Variants in TLK2 observed in about 807,000 individuals in gnomAD.
TLK2 encodes the protein serine/threonine-protein kinase tousled-like 2.
A neutral mutation model predicts 117.3 loss-of-function variants in TLK2; 6 were observed. The ratio of observed to expected loss-of-function variants is 0.05; its 90% CI spans 0.03 to 0.10. TLK2 has a LOEUF of 0.10. Ranked by LOEUF, TLK2 falls within the 10% of genes least tolerant of loss-of-function variation. The probability of loss-of-function intolerance (pLI) is 1.00; values close to 1 mark genes in which losing one functional copy is unlikely to be tolerated. For missense variants in TLK2, 299 were observed against 901.2 expected, an observed-to-expected ratio of 0.33 and a Z score of 8.56; for synonymous variants, 257 against 316.7, an observed-to-expected ratio of 0.81 and a Z score of 2.00.
At chr17:62,502,153 T>C (rs1339448185) in intron 2 of TLK2, among the ~76,000 whole-genome samples, 1 of 150,494 alleles carries the variant, frequency 6.6e-6, no homozygotes, top group Admixed American at 6.7e-5. Flanking sequence ...AACATATATA[T>C]AGAAATAATT....
intron 14 of TLK2, among the ~76,000 whole-genome samples, 165 bp downstream of exon 14, chr17:62,578,739 A>G (rs2080997314): frequency 6.6e-6 from 1 of 152,192 alleles, no homozygotes; most frequent in African/African-American, 2.4e-5. Flanking sequence ...CAAAATTATG[A>G]TTTGCCTTGG....
In TLK2 at chr17:62,505,654, T is replaced by A. The variant is rs180999622; in HGVS notation, c.82-15119T>A. Reference sequence around the variant, plus strand: ...GCTTTTAATACACTGTTTTCAAATTTTTTTGAGACATATTCTTGCTATGTC... The same window carrying A: ...GCTTTTAATACACTGTTTTCAAATTATTTTGAGACATATTCTTGCTATGTC... On this transcript the variant is annotated intron_variant, in intron 2 of 21. Transcript: ENST00000346027. 1.8e-4 allele frequency among the ~76,000 whole-genome samples: 27 copies of A among 152,220 alleles called. 1 individual carries two copies. Among genetic ancestry groups the A allele is most frequent in the Admixed American group, 1.6e-3 (25 of 15,282 alleles).
intron 2 of TLK2, among the ~76,000 whole-genome samples, chr17:62,490,300 T>G (rs1346927925): frequency 1.3e-5 from 2 of 152,258 alleles, no homozygotes; most frequent in Non-Finnish European, 2.9e-5. Flanking sequence ...CTTGGTAGTT[T>G]CTTGTGACCT....
intron 2 of TLK2, among the ~76,000 whole-genome samples, chr17:62,491,816 C>T (rs1402702294): frequency 3.3e-5 from 5 of 152,196 alleles, no homozygotes; most frequent in Non-Finnish European, 7.3e-5. Context: ...GATCTCCTGA[C>T]CTCATGATCC....
chr17:62,476,975 G>A (rs994354228), upstream of TLK2, among the ~76,000 whole-genome samples: 2 of 151,946 alleles, frequency 1.3e-5, no homozygotes, highest in African/African-American at 2.4e-5. Flanking sequence ...CTGTAATCCC[G>A]GCTACTCAGG....
chr17:62,471,917 T>TTTTTTG (rs1555579389), intron 1 of TLK2, among the ~76,000 whole-genome samples: 3 of 140,796 alleles, frequency 2.1e-5, no homozygotes, highest in African/African-American at 8.0e-5. Flanking sequence ...TTTTTTTTTT[T>TTTTTTG]AGACAGAGTC....
intron 2 of TLK2, among the ~76,000 whole-genome samples, chr17:62,502,029 A>ATTTTTTTTTTTTTTTTTTT (rs371212708): frequency 1.5e-5 from 2 of 137,444 alleles, no homozygotes; most frequent in African/African-American, 5.5e-5. Context: ...AAAAATACCA[A>ATTTTTTTTTTTTTTTTTTT]TTTTTTTTTT....
At position 62,573,178 on chromosome 17, in the gene TLK2, A is replaced by G. The variant is rs766280126; in HGVS notation, c.969-37A>G. 22 of 1,577,228 alleles carry G rather than the reference A, an allele frequency of 1.4e-5. No homozygotes were observed. In the South Asian group the frequency reaches 1.6e-4, roughly 12 times the overall value. ...TTCCATAGCTGTGGTAAAACTTTTG[A>G]CTTTCTTTCTTTGTACAACGTCTTT... On this transcript the variant is annotated intron_variant, in intron 11 of 21. Transcript: ENST00000346027.
intron 11 of TLK2, among the ~76,000 whole-genome samples, chr17:62,570,811 CAT>C (rs1278590619): frequency 6.6e-6 from 1 of 152,104 alleles, no homozygotes; most frequent in African/African-American, 2.4e-5. Flanking sequence ...AGAGATTAAA[CAT>C]ATGAATTGTC....
At chr17:62,536,968 T>G (rs1567872576) in intron 7 of TLK2, among the ~76,000 whole-genome samples, 1 of 152,350 alleles carries the variant, frequency 6.6e-6, no homozygotes, top group Non-Finnish European at 1.5e-5. Flanking sequence ...GAGTGCAATT[T>G]GAACCAAATG....
intron 2 of TLK2, among the ~76,000 whole-genome samples, chr17:62,503,415 C>CTT (rs35652112): frequency 5.3e-5 from 5 of 94,004 alleles, no homozygotes; most frequent in Admixed American, 1.2e-4. Flanking sequence ...TTAGTTATAA[C>CTT]TTTTTTTTTT....
chr17:62,557,027 CA>C (rs1207560623), intron 9 of TLK2, among the ~76,000 whole-genome samples: 13 of 152,232 alleles, frequency 8.5e-5, no homozygotes, highest in African/African-American at 3.1e-4. Flanking sequence ...CAGGCTCAAG[CA>C]GTCCTCTCAC....
At chr17:62,505,354 A>G (rs2074581431) in intron 2 of TLK2, among the ~76,000 whole-genome samples, 1 of 148,854 alleles carries the variant, frequency 6.7e-6, no homozygotes, top group Non-Finnish European at 1.5e-5. Context: ...AGTGATCCTC[A>G]CAACTCAGCC....
At chr17:62,528,791 A>C (rs773972322) in intron 6 of TLK2, among the ~76,000 whole-genome samples, 3 of 152,224 alleles carry the variant, frequency 2.0e-5, no homozygotes, top group Non-Finnish European at 4.4e-5. Flanking sequence ...TGTGGCCTGC[A>C]AAACCTAAAA....
chr17:62,569,314 AC>A (rs1010655916), intron 11 of TLK2, among the ~76,000 whole-genome samples: 1 of 151,768 alleles, frequency 6.6e-6, no homozygotes, highest in Non-Finnish European at 1.5e-5. Context: ...AAAAAAAAAA[AC>A]AACCCATCTG....
upstream of TLK2, among the ~76,000 whole-genome samples, chr17:62,474,734 C>A (rs937438064): frequency 6.6e-6 from 1 of 151,966 alleles, no homozygotes; most frequent in East Asian, 1.9e-4. Context: ...TGCATGTTGC[C>A]CAGGCTGGTC....
At chr17:62,549,552 A>G (rs1002257761) in intron 7 of TLK2, among the ~76,000 whole-genome samples, 3 of 151,724 alleles carry the variant, frequency 2.0e-5, no homozygotes, top group Non-Finnish European at 4.4e-5. Context: ...GAGGTTCATA[A>G]TGATGACCCT....
Position 62,599,607 on chromosome 17 carries a change from C to T in TLK2, c.1551-1044C>T, listed in dbSNP as rs1444327382. ...CCCTGGGTTCTGGTTTCACCATCTC[C>T]TCCCTTCTGGCCTGCTTGCCTGAGG... On this transcript the variant is annotated intron_variant, in intron 17 of 21. Coordinates refer to ENST00000346027, the MANE Select transcript of TLK2 (RefSeq NM_006852.6). Among the ~76,000 whole-genome samples, 9 of 152,326 alleles carry T rather than the reference C, an allele frequency of 5.9e-5. No homozygotes were observed. In the East Asian group the frequency reaches 1.7e-3, roughly 29 times the overall value.
intron 8 of TLK2, 32 bp downstream of exon 8, chr17:62,552,429 C>A: frequency 6.2e-7 from 1 of 1,614,046 alleles, no homozygotes; most frequent in Non-Finnish European, 8.5e-7. Flanking sequence ...AATTGAGGGG[C>A]ATACCTGCTG....
Sources: allele counts gnomAD v4.1 joint callset (sites outside exome capture counted in the v4.1 genomes callset), GRCh38; gene constraint gnomAD v4.1.1; transcripts MANE v1.5; gene names NCBI Gene and HGNC (gene_info 2026-07-23, HGNC 2026-07-21).